The following ZFPM1 variants were observed in gnomAD, a reference collection of about 807,000 sequenced individuals.
ZFPM1 encodes the protein zinc finger protein, FOG family member 1.
A neutral mutation model predicts 46.3 loss-of-function variants in ZFPM1; 28 were observed. The observed-to-expected ratio is 0.60, with a 90% CI of 0.45 to 0.83. The LOEUF (loss-of-function observed/expected upper bound fraction) is 0.83, where lower values mean the gene tolerates loss of function less well. ZFPM1 is among the 40% of genes least tolerant of loss of function. ZFPM1 has a pLI of 0.00. For synonymous variants in ZFPM1, 957 were observed against 675.9 expected, an observed-to-expected ratio of 1.42 and a Z score of -6.45; for missense variants, 1,878 against 1,432.4, an observed-to-expected ratio of 1.31 and a Z score of -5.02.
At chr16:88,475,580 G>A (rs956491553) in intron 1 of ZFPM1, among the ~76,000 whole-genome samples, 4 of 152,110 alleles carry the variant, frequency 2.6e-5, no homozygotes, top group African/African-American at 9.7e-5. Context: ...GCCTGAGAAA[G>A]CCCAGGTCCT....
chr16:88,482,911 C>T (rs1597240360), intron 1 of ZFPM1, among the ~76,000 whole-genome samples: 1 of 152,214 alleles, frequency 6.6e-6, no homozygotes, highest in Non-Finnish European at 1.5e-5. Context: ...GCACTGCCTG[C>T]TCAGGGCCGA....
At position 88,533,725 on chromosome 16, in the gene ZFPM1, C is replaced by A; in HGVS notation, c.1767C>A (p.Val589=). 6.7e-7 allele frequency: 1 copy of A among 1,488,230 alleles called. No homozygotes were observed. The highest frequency in any genetic ancestry group is 9.0e-7 in the Non-Finnish European group (1 of 1,109,726). 92.2% of individuals were successfully genotyped at this position (1,488,230 alleles called of 1,614,324 possible). A position where few individuals can be genotyped will look rare whatever the true frequency, so the allele number is the denominator to read the frequency against. The change falls in exon 10 of 10, where the codon GTC becomes GTA. Residue 589 remains valine, a synonymous_variant. Coordinates refer to ENST00000319555, the MANE Select transcript of ZFPM1 (RefSeq NM_153813.3). ...AGTGCGAGATCACCTTCAGCAACGT[C>A]AACAACTACTACGTGCACAAGCGCC... ...CFECEITFSN[V]NNYYVHKRLY...
intron 9 of ZFPM1, 97 bp from the exon 10 acceptor site, chr16:88,533,051 T>TACCCCC: frequency 3.0e-6 from 4 of 1,351,604 alleles, no homozygotes; most frequent in Non-Finnish European, 4.0e-6. Flanking sequence ...TCTAAACCAC[T>TACCCCC]CCCGCCCACC....
chr16:88,501,790 C>CG (rs543278920), intron 3 of ZFPM1, among the ~76,000 whole-genome samples: 42 of 146,654 alleles, frequency 2.9e-4, no homozygotes, highest in African/African-American at 1.0e-3. Flanking sequence ...GGCATGGGTG[C>CG]AGGGCCCTGC....
rs1737690626 is a variant in ZFPM1 at position 88,536,010 on chromosome 16, C to G, written c.*1031C>G. 6.6e-6 allele frequency: 1 copy of G among 152,070 alleles called. No homozygotes were observed. Among genetic ancestry groups the G allele is most frequent in the Admixed American group, 6.5e-5 (1 of 15,276 alleles). 9.4% of individuals were successfully genotyped at this position (152,070 alleles called of 1,614,324 possible). A position where few individuals can be genotyped will look rare whatever the true frequency, so the allele number is the denominator to read the frequency against. On this transcript the variant is annotated 3_prime_UTR_variant, in exon 10 of 10. Transcript: ENST00000319555. The stretch of plus-strand genomic sequence containing the variant: ...CTCACTCTCTTGCCCAGGCTGGAGT[C>G]CCTGGGATACTCACGGCTCATTGCA...
At chr16:88,510,845 A>G (rs768397908) in intron 3 of ZFPM1, among the ~76,000 whole-genome samples, 12 of 152,058 alleles carry the variant, frequency 7.9e-5, no homozygotes, top group Non-Finnish European at 1.5e-4. Context: ...TGTCTCCCCC[A>G]TGTACGTTGG....
At chr16:88,527,944 C>A in intron 5 of ZFPM1, 88 bp from the exon 6 acceptor site, 1 of 1,373,372 alleles carries the variant, frequency 7.3e-7, no homozygotes, top group South Asian at 1.5e-5. Context: ...GGTGGCCGCT[C>A]TCCTGACCCC....
chr16:88,518,122 G>C (rs1479833446), intron 4 of ZFPM1, among the ~76,000 whole-genome samples: 1 of 151,984 alleles, frequency 6.6e-6, no homozygotes, highest in African/African-American at 2.4e-5. Context: ...GGAGAATGGT[G>C]TGAACCCGGG....
intron 6 of ZFPM1, among the ~76,000 whole-genome samples, chr16:88,529,526 C>A (rs1369991776): frequency 6.6e-6 from 1 of 152,206 alleles, no homozygotes. Context: ...GACATCAAGA[C>A]ACCTGCTACA....
At chr16:88,462,213 C>T (rs1907928297) in intron 1 of ZFPM1, among the ~76,000 whole-genome samples, 1 of 152,230 alleles carries the variant, frequency 6.6e-6, no homozygotes, top group Non-Finnish European at 1.5e-5. Flanking sequence ...TTGGGAGCCT[C>T]AGCTTCCCCG....
At chr16:88,523,803 G>A (rs946966825) in intron 4 of ZFPM1, among the ~76,000 whole-genome samples, 8 of 152,246 alleles carry the variant, frequency 5.3e-5, no homozygotes, top group East Asian at 1.9e-4. Flanking sequence ...CTCCCGGGTC[G>A]GGGGCGGGTG....
At chr16:88,466,545 A>G (rs1411827548) in intron 1 of ZFPM1, among the ~76,000 whole-genome samples, 1 of 152,180 alleles carries the variant, frequency 6.6e-6, no homozygotes, top group Non-Finnish European at 1.5e-5. Flanking sequence ...CCAAGCACAG[A>G]AAGGGCAGGG....
Position 88,533,989 on chromosome 16 carries a change from G to A in ZFPM1, c.2031G>A (p.Glu677=). 7.3e-7 allele frequency: 1 copy of A among 1,363,674 alleles called. No individual in the cohort carries two copies. Among genetic ancestry groups the A allele is most frequent in the Admixed American group, 2.3e-5 (1 of 44,228 alleles). The allele number at this position is 1,363,674 out of a possible 1,614,324, so 84.5% of individuals were successfully genotyped here. Reference sequence around the variant, plus strand: ...CGGGTAGCTCCGTGGACGACGCGGAGGACGACCCCAGCCGCACGCTGTGCG... The same window carrying A: ...CGGGTAGCTCCGTGGACGACGCGGAAGACGACCCCAGCCGCACGCTGTGCG... ...QSPGSSVDDA[E]DDPSRTLCEA... is the part of the protein sequence containing the mutation. Residue 677 remains glutamate, a synonymous_variant, in exon 10 of 10, where the codon GAG becomes GAA. Coordinates refer to ENST00000319555, the MANE Select transcript of ZFPM1 (RefSeq NM_153813.3).
chr16:88,501,423 A>G (rs28600825), intron 3 of ZFPM1, among the ~76,000 whole-genome samples: 27 of 72,972 alleles, frequency 3.7e-4, no homozygotes, highest in Admixed American at 1.0e-3. Flanking sequence ...TGGAGATAGC[A>G]GACATGGATG....
chr16:88,503,996 C>G (rs1910518981), intron 3 of ZFPM1, among the ~76,000 whole-genome samples: 1 of 152,078 alleles, frequency 6.6e-6, no homozygotes, highest in Non-Finnish European at 1.5e-5. Flanking sequence ...TCACCAGCAC[C>G]TGCCTGGGTG....
At chr16:88,523,070 G>A (rs112795520) in intron 4 of ZFPM1, among the ~76,000 whole-genome samples, 5,526 of 152,246 alleles carry the variant, frequency 0.036, 157 homozygotes, top group Middle Eastern at 0.061. Context: ...GCTGGGTGTG[G>A]TGGTGCTTGC....
intron 1 of ZFPM1, among the ~76,000 whole-genome samples, chr16:88,473,826 C>T (rs901953340): frequency 1.3e-5 from 2 of 152,340 alleles, no homozygotes; most frequent in Admixed American, 6.5e-5. Context: ...CTCACCTTCA[C>T]CCTGTGCGGT....
chr16:88,515,351 C>A (rs953828832), intron 4 of ZFPM1, among the ~76,000 whole-genome samples: 2 of 152,190 alleles, frequency 1.3e-5, no homozygotes, highest in Non-Finnish European at 2.9e-5. Flanking sequence ...TTTGCCAGGC[C>A]CTGGAGTCTC....
intron 1 of ZFPM1, among the ~76,000 whole-genome samples, chr16:88,475,697 G>T (rs1426063244): frequency 1.3e-5 from 2 of 152,214 alleles, no homozygotes; most frequent in East Asian, 3.9e-4. Flanking sequence ...TGTGCTATCT[G>T]TGTGGCCACC....
Sources: gnomAD v4.1 joint callset for allele counts (sites outside exome capture counted in the v4.1 genomes callset) on GRCh38, gnomAD v4.1.1 for gene constraint, MANE v1.5 for transcripts, NCBI Gene and HGNC (gene_info 2026-07-23, HGNC 2026-07-21) for gene names.